The following DOCK3 variants were observed in gnomAD, a reference collection of about 807,000 sequenced individuals.
DOCK3 encodes the protein dedicator of cytokinesis protein 3.
A neutral mutation model predicts 265.6 loss-of-function variants in DOCK3; 60 were observed. That is an observed-to-expected ratio of 0.23 (90% confidence interval 0.18 to 0.28). The LOEUF (loss-of-function observed/expected upper bound fraction) is 0.28, where lower values mean the gene tolerates loss of function less well. DOCK3 is among the 10% of genes least tolerant of loss of function. The pLI, the probability that DOCK3 is intolerant of heterozygous loss-of-function variation, is 1.00. For missense variants in DOCK3, 1,981 were observed against 2,594.3 expected, an observed-to-expected ratio of 0.76 and a Z score of 5.14; for synonymous variants, 881 against 938.0, an observed-to-expected ratio of 0.94 and a Z score of 1.11.
chr3:50,721,163 T>C (rs186157339), intron 1 of DOCK3, among the ~76,000 whole-genome samples: 160 of 152,294 alleles, frequency 1.1e-3, no homozygotes, highest in African/African-American at 3.7e-3. Context: ...TTTATTCTGT[T>C]GATAGTTTCT....
intron 5 of DOCK3, among the ~76,000 whole-genome samples, chr3:51,013,591 T>C (rs1398876086): frequency 6.6e-6 from 1 of 152,122 alleles, no homozygotes; most frequent in Non-Finnish European, 1.5e-5. Context: ...TCAGCCCCTA[T>C]TGGGAGGTGT....
At chr3:50,897,283 G>A (rs1399270764) in intron 4 of DOCK3, among the ~76,000 whole-genome samples, 3 of 152,066 alleles carry the variant, frequency 2.0e-5, no homozygotes, top group Non-Finnish European at 2.9e-5. Flanking sequence ...TTGGCTATTT[G>A]TCTATTATTG....
intron 1 of DOCK3, chr3:50,719,724 T>C: frequency 2.2e-6 from 3 of 1,380,012 alleles, no homozygotes; most frequent in Middle Eastern, 1.8e-4. Context: ...GAAGTTCTTA[T>C]CATCAAATTT....
At chr3:50,778,580 A>T in intron 1 of DOCK3, 95 bp from the exon 2 acceptor site, 1 of 800,588 alleles carries the variant, frequency 1.2e-6, no homozygotes, top group Non-Finnish European at 2.0e-6. Flanking sequence ...AAGGGAAGGT[A>T]TACATTTAAG....
At chr3:51,108,307 G>A (rs1487306840) in intron 9 of DOCK3, among the ~76,000 whole-genome samples, 1 of 152,102 alleles carries the variant, frequency 6.6e-6, no homozygotes, top group Non-Finnish European at 1.5e-5. Flanking sequence ...ATAAGCAAAG[G>A]GGAAAGAAGA....
intron 19 of DOCK3, among the ~76,000 whole-genome samples, chr3:51,233,456 C>T (rs1402865991): frequency 1.3e-5 from 2 of 152,108 alleles, no homozygotes; most frequent in Non-Finnish European, 2.9e-5. Context: ...ACCTCTGCCT[C>T]CCAGATTCAA....
chr3:51,154,436 G>C (rs1215977641), intron 10 of DOCK3, among the ~76,000 whole-genome samples: 2 of 152,118 alleles, frequency 1.3e-5, no homozygotes, highest in East Asian at 3.9e-4. Flanking sequence ...ATGAAAGAAA[G>C]AATCTAAATT....
chr3:50,960,295 G>A (rs1328555885), intron 5 of DOCK3, among the ~76,000 whole-genome samples: 1 of 152,102 alleles, frequency 6.6e-6, no homozygotes, highest in Non-Finnish European at 1.5e-5. Context: ...CAAAATGGTT[G>A]TACCATTTTA....
In DOCK3 at chr3:51,312,912, T is replaced by G; in HGVS notation, c.3253+10T>G. The G allele has an allele frequency of 1.3e-6, 2 of 1,596,920 alleles. No individual in the cohort carries two copies. Among genetic ancestry groups the G allele is most frequent in the Non-Finnish European group, 1.7e-6 (2 of 1,170,710 alleles). On this transcript the variant is annotated intron_variant, in intron 31 of 52. Coordinates refer to ENST00000266037, the MANE Select transcript of DOCK3 (RefSeq NM_004947.5). ...ATGTGGCAGAATTTGGGTAGGTTTT[T>G]TCTCCCTATTCTTCCCTTCTATATA...
chr3:50,795,078 TGG>T (rs2042696667), intron 2 of DOCK3, among the ~76,000 whole-genome samples: 1 of 152,170 alleles, frequency 6.6e-6, no homozygotes, highest in Non-Finnish European at 1.5e-5. Context: ...TCTTCTGGCT[TGG>T]GTTTCTCCTG....
At chr3:51,027,277 C>A (rs1009616602) in intron 5 of DOCK3, among the ~76,000 whole-genome samples, 1 of 151,512 alleles carries the variant, frequency 6.6e-6, no homozygotes, top group Non-Finnish European at 1.5e-5. Flanking sequence ...CTCTTGGTAT[C>A]GATTTCTAAT....
At position 51,016,093 on chromosome 3, in the gene DOCK3, TATG is replaced by T. The variant is rs1330412103; in HGVS notation, c.316-48352_316-48350del. Among the ~76,000 whole-genome samples the T allele has an allele frequency of 1.9e-4, 3 of 15,470 alleles. 1 individual carries two copies. Among genetic ancestry groups the T allele is most frequent in the Non-Finnish European group, 2.9e-4 (3 of 10,516 alleles). The allele number at this position is 15,470 out of a possible 152,430, so 10.1% of individuals were successfully genotyped here. On this transcript the variant is annotated intron_variant, in intron 5 of 52. Transcript: ENST00000266037. ...ATAATATATATCATATATTTCTACA[TATG>T]ATATATATCATATATTTCTACATAT...
At chr3:51,362,110 G>A (rs2086782200) in intron 48 of DOCK3, 113 bp downstream of exon 48, 8 of 1,366,952 alleles carry the variant, frequency 5.9e-6, no homozygotes, top group Non-Finnish European at 7.8e-6. Flanking sequence ...TCTAGCTCCT[G>A]AATTCAGAAC....
chr3:51,049,185 G>T (rs2080894205), intron 5 of DOCK3, among the ~76,000 whole-genome samples: 1 of 152,042 alleles, frequency 6.6e-6, no homozygotes, highest in South Asian at 2.1e-4. Context: ...AATTAGCCAG[G>T]CATGGTGATG....
At chr3:50,719,735 C>T (rs1179646341) in intron 1 of DOCK3, 1 of 1,324,886 alleles carries the variant, frequency 7.5e-7, no homozygotes, top group South Asian at 1.2e-5. Context: ...CATCAAATTT[C>T]TCCCTATAGA....
chr3:51,082,735 A>G (rs1343516136), intron 7 of DOCK3, among the ~76,000 whole-genome samples: 2 of 152,124 alleles, frequency 1.3e-5, no homozygotes, highest in African/African-American at 4.8e-5. Context: ...GTACCCACAC[A>G]TACCTTCCAG....
At chr3:51,307,154 G>A (rs1302744114) in intron 27 of DOCK3, among the ~76,000 whole-genome samples, 1 of 152,066 alleles carries the variant, frequency 6.6e-6, no homozygotes, top group Non-Finnish European at 1.5e-5. Flanking sequence ...GGGTCTTGCT[G>A]TATTGCTCAG....
chr3:51,202,238 T>A (rs1462119087), intron 12 of DOCK3, among the ~76,000 whole-genome samples: 1 of 147,200 alleles, frequency 6.8e-6, no homozygotes, highest in Non-Finnish European at 1.5e-5. Context: ...AGCTGGTTTT[T>A]TGAAAGAATC....
intron 1 of DOCK3, among the ~76,000 whole-genome samples, chr3:50,736,048 C>T (rs111271973): frequency 3.4e-4 from 52 of 152,298 alleles, no homozygotes; most frequent in African/African-American, 8.7e-4. Flanking sequence ...TATCCCTCCC[C>T]GCTGCCCCCA....
Sources: allele counts gnomAD v4.1 joint callset (sites outside exome capture counted in the v4.1 genomes callset), GRCh38; gene constraint gnomAD v4.1.1; transcripts MANE v1.5; gene names NCBI Gene and HGNC (gene_info 2026-07-23, HGNC 2026-07-21).